Variants in FHAD1 observed in about 807,000 individuals in gnomAD.
FHAD1 encodes forkhead-associated domain-containing protein 1.
Under a neutral mutation model 191.3 loss-of-function variants are expected in FHAD1, and 146 were observed. That is an observed-to-expected ratio of 0.76 (90% CI 0.67 to 0.88). The LOEUF is 0.88. FHAD1 is among the 40% of genes least tolerant of loss of function. FHAD1 has a pLI of 0.00. For missense variants in FHAD1, 1,635 were observed against 1,785.8 expected, an observed-to-expected ratio of 0.92 and a Z score of 1.52; for synonymous variants, 616 against 672.3, an observed-to-expected ratio of 0.92 and a Z score of 1.29.
chr1:15,383,069 C>T (rs932594321), intron 31 of FHAD1: 4 of 471,474 alleles, frequency 8.5e-6, no homozygotes, highest in Non-Finnish European at 1.8e-5. Context: ...AGGAGTCAGC[C>T]GGTCCTGGGC....
chr1:15,308,658 C>T lies in FHAD1; in HGVS notation c.961C>T (p.Leu321=). The change falls in exon 7 of 34, where the codon CTG becomes TTG. Residue 321 remains leucine, a synonymous_variant. Transcript: ENST00000688493. Reference sequence around the variant, plus strand: ...CTACAGCAAGGTGCTGTGCCAGACCCTGTCAGAGCGGAACTCAGAAATCAC... The same window carrying T: ...CTACAGCAAGGTGCTGTGCCAGACCTTGTCAGAGCGGAACTCAGAAATCAC... ...KGYSKVLCQT[L]SERNSEITSL... is the part of the protein sequence containing the mutation. 8 of 1,551,778 alleles carry T rather than the reference C, an allele frequency of 5.2e-6. 1 individual carries two copies. In the South Asian group the frequency reaches 9.5e-5, roughly 18 times the overall value.
rs184546171 is a variant in FHAD1, at chr1:15,353,423, G to A, written c.2562+439G>A. ...TGCCTGGCTTAAGAGAGGAGATGTT[G>A]GCTGGGCGCGGTGGCTCGCACATGT... On this transcript the variant is annotated intron_variant, in intron 20 of 33. Coordinates refer to ENST00000688493, the MANE Select transcript of FHAD1 (RefSeq NM_001391957.1). 5.3e-5 allele frequency among the ~76,000 whole-genome samples: 8 copies of A among 152,234 alleles called. No individual in the cohort carries two copies. In the East Asian group the frequency reaches 1.5e-3, roughly 29 times the overall value.
At chr1:15,378,060 T>C (rs538202157) in intron 28 of FHAD1, among the ~76,000 whole-genome samples, 1 of 152,198 alleles carries the variant, frequency 6.6e-6, no homozygotes, top group African/African-American at 2.4e-5. Context: ...TCCCAACACT[T>C]TGGGAGGCCG....
At chr1:15,251,939 A>C in intron 2 of FHAD1, 62 bp downstream of exon 2, 1 of 1,375,108 alleles carries the variant, frequency 7.3e-7, no homozygotes, top group Non-Finnish European at 1.0e-6. Context: ...CCTCTCTAAC[A>C]GTCCTTAGCG....
intron 15 of FHAD1, among the ~76,000 whole-genome samples, chr1:15,340,995 A>G (rs1686410983): frequency 6.6e-6 from 1 of 152,080 alleles, no homozygotes; most frequent in African/African-American, 2.4e-5. Context: ...CAGCCTGGCC[A>G]ACATGGTAAA....
At chr1:15,390,367 A>AAG (rs1703646744) in intron 32 of FHAD1, among the ~76,000 whole-genome samples, 1 of 143,922 alleles carries the variant, frequency 6.9e-6, no homozygotes, top group African/African-American at 2.7e-5. Context: ...AAAAAAAAAA[A>AAG]GGCACTTTAA....
At position 15,329,118 on chromosome 1, in the gene FHAD1, TA is replaced by T; in HGVS notation, c.1711-224del. 2.5e-6 allele frequency: 1 copy of T among 397,416 alleles called. No homozygotes were observed. The highest frequency in any genetic ancestry group is 4.5e-6 in the Non-Finnish European group (1 of 220,208). 24.6% of individuals were successfully genotyped at this position (397,416 alleles called of 1,614,324 possible). A position where few individuals can be genotyped will look rare whatever the true frequency, so the allele number is the denominator to read the frequency against. On this transcript the variant is annotated intron_variant, in intron 13 of 33. Coordinates refer to ENST00000688493, the MANE Select transcript of FHAD1 (RefSeq NM_001391957.1). The surrounding 1 kb of genome is among the most constrained non-coding windows in gnomAD (Gnocchi z 5.0). ...CTTTGGCTCTGGGGTTTCATAGACC[TA>T]AAAGGGGGTTCGCTTTGACCATCAA...
At chr1:15,402,649 T>C (rs527582271), downstream of FHAD1, among the ~76,000 whole-genome samples, 3 of 152,280 alleles carry the variant, frequency 2.0e-5, no homozygotes, top group South Asian at 6.2e-4. Context: ...GTCCAGACAA[T>C]ATCCCACTTC....
At chr1:15,374,000 G>A (rs916310574) in intron 26 of FHAD1, among the ~76,000 whole-genome samples, 2 of 152,186 alleles carry the variant, frequency 1.3e-5, no homozygotes, top group South Asian at 2.1e-4. Context: ...AGAAAGTTCC[G>A]TGGGGTTCCA....
intron 2 of FHAD1, among the ~76,000 whole-genome samples, chr1:15,271,933 G>A (rs753071039): frequency 2.1e-4 from 32 of 152,014 alleles, no homozygotes; most frequent in Non-Finnish European, 4.3e-4. Context: ...ATTCCTTGAC[G>A]ATTTTCGGTT....
At chr1:15,392,518 G>A (rs972194190) in intron 33 of FHAD1, among the ~76,000 whole-genome samples, 2 of 151,810 alleles carry the variant, frequency 1.3e-5, no homozygotes, top group Non-Finnish European at 2.9e-5. Context: ...GGGACACAGC[G>A]AGACTCCGTC....
chr1:15,245,858 G>T (rs72642382), upstream of FHAD1, among the ~76,000 whole-genome samples: 1 of 152,094 alleles, frequency 6.6e-6, no homozygotes, highest in South Asian at 2.1e-4. Flanking sequence ...CCAGAAGTCC[G>T]CATTTCTAAA....
intron 1 of FHAD1, among the ~76,000 whole-genome samples, chr1:15,249,906 A>G (rs1646566661): frequency 6.6e-6 from 1 of 152,186 alleles, no homozygotes; most frequent in South Asian, 2.1e-4. Flanking sequence ...CCCGAATGCT[A>G]GGGGACCTTA....
chr1:15,285,188 G>A (rs1220556698), intron 3 of FHAD1, among the ~76,000 whole-genome samples: 1 of 152,164 alleles, frequency 6.6e-6, no homozygotes, highest in East Asian at 1.9e-4. Context: ...AAGTAGAGAA[G>A]ACTGACATTA....
intron 11 of FHAD1, chr1:15,324,793 C>T (rs183853852): frequency 3.6e-4 from 191 of 523,682 alleles, no homozygotes; most frequent in African/African-American, 3.4e-3. Context: ...TGACCCGAGA[C>T]CCGGACCAGG....
intron 14 of FHAD1, among the ~76,000 whole-genome samples, chr1:15,337,457 G>A (rs1569578913): frequency 6.6e-6 from 1 of 152,248 alleles, no homozygotes; most frequent in Non-Finnish European, 1.5e-5. Context: ...GCGTCTCTCG[G>A]GCCCTTAGCG....
chr1:15,402,804 G>C (rs1707155760), downstream of FHAD1, among the ~76,000 whole-genome samples: 1 of 152,192 alleles, frequency 6.6e-6, no homozygotes, highest in Non-Finnish European at 1.5e-5. Flanking sequence ...CCTCAAGGAA[G>C]TCCAGGAACC....
At position 15,369,441 on chromosome 1, in the gene FHAD1, C is replaced by A; in HGVS notation, c.3386C>A (p.Thr1129Lys). 1 of 1,551,760 alleles carries A rather than the reference C, an allele frequency of 6.4e-7. No individual in the cohort carries two copies. Among genetic ancestry groups the A allele is most frequent in the Non-Finnish European group, 8.7e-7 (1 of 1,146,986 alleles). Residue 1129 changes from threonine (T) to lysine (K), a missense_variant, in exon 26 of 34, where the codon ACG becomes AAG. Coordinates refer to ENST00000688493, the MANE Select transcript of FHAD1 (RefSeq NM_001391957.1). ...KEQKPRKKTQ[T>K]CDTSVQIEPV... ...CAGAAGCCCCGGAAGAAGACCCAGA[C>A]GTGTGACACCTCTGTGCAGATAGAA...
intron 3 of FHAD1, among the ~76,000 whole-genome samples, chr1:15,284,421 G>C (rs564138268): frequency 6.7e-6 from 1 of 150,078 alleles, no homozygotes; most frequent in Non-Finnish European, 1.5e-5. Context: ...GGAGCTTGCA[G>C]TGAGCTGAGA....
Sources: allele counts gnomAD v4.1 joint callset (sites outside exome capture counted in the v4.1 genomes callset), GRCh38; gene constraint gnomAD v4.1.1; non-coding constraint Gnocchi (gnomAD v3.1); transcripts MANE v1.5; gene names NCBI Gene and HGNC (gene_info 2026-07-23, HGNC 2026-07-21).